ZDHHC13: variants seen among roughly 807,000 people sequenced by gnomAD.
ZDHHC13 encodes palmitoyltransferase ZDHHC13.
A neutral mutation model predicts 86.0 loss-of-function variants in ZDHHC13; 85 were observed. The observed-to-expected ratio is 0.99, with a 90% CI of 0.83 to 1.18. The LOEUF is 1.18. Among genes scored for constraint, ZDHHC13 ranks in the 50% most tolerant of loss-of-function variants. ZDHHC13 has a pLI of 0.00. For missense variants in ZDHHC13, 711 were observed against 730.2 expected, an observed-to-expected ratio of 0.97 and a Z score of 0.30; for synonymous variants, 263 against 246.4, an observed-to-expected ratio of 1.07 and a Z score of -0.63.
intron 1 of ZDHHC13, among the ~76,000 whole-genome samples, chr11:19,133,832 G>C (rs1393570406): frequency 6.6e-6 from 1 of 150,498 alleles, no homozygotes; most frequent in African/African-American, 2.4e-5. Context: ...GTCTTCTAAG[G>C]TGCTGGCTCA....
rs1268573386 is a variant in ZDHHC13, at chr11:19,158,940, G to T, written c.1008G>T (p.Arg336Ser). The T allele has an allele frequency of 2.0e-6, 3 of 1,515,910 alleles. No homozygotes were observed. The highest frequency in any genetic ancestry group is 1.3e-5 in the South Asian group (1 of 76,404). The allele number at this position is 1,515,910 out of a possible 1,614,324, so 93.9% of individuals were successfully genotyped here. A position where few individuals can be genotyped will look rare whatever the true frequency, so the allele number is the denominator to read the frequency against. ...TLFFLTSLFP[R>S]FLVGYKNLVY... ...CTTATATTTATCTTTTTTCTTTTAG[G>T]TTCTTGGTTGGGTATAAGAACCTTG... The change falls in exon 10 of 17, where the codon AGG becomes AGT. Residue 336 changes from arginine (R) to serine (S), a missense_variant and splice_region_variant. By Grantham distance (110) the Arg-to-Ser change is moderately radical. Coordinates refer to ENST00000446113, the MANE Select transcript of ZDHHC13 (RefSeq NM_019028.3).
At chr11:19,138,608 C>T (rs1439512991) in intron 1 of ZDHHC13, among the ~76,000 whole-genome samples, 1 of 151,090 alleles carries the variant, frequency 6.6e-6, no homozygotes, top group African/African-American at 2.4e-5. Flanking sequence ...GAGACACAAC[C>T]AAAAAAGAGA....
intron 1 of ZDHHC13, among the ~76,000 whole-genome samples, chr11:19,135,189 C>G (rs1185538055): frequency 6.6e-6 from 1 of 152,202 alleles, no homozygotes; most frequent in African/African-American, 2.4e-5. Context: ...GAGTGCCAGA[C>G]AGTGGGCACA....
chr11:19,131,715 C>A (rs541668211), intron 1 of ZDHHC13, among the ~76,000 whole-genome samples: 1 of 152,128 alleles, frequency 6.6e-6, no homozygotes, highest in East Asian at 1.9e-4. Flanking sequence ...TGGCTCACTG[C>A]AACTGCCTCC....
intron 11 of ZDHHC13, among the ~76,000 whole-genome samples, chr11:19,164,025 A>T (rs1048084553): frequency 6.6e-6 from 1 of 152,142 alleles, no homozygotes; most frequent in Non-Finnish European, 1.5e-5. Context: ...CTAGCAGATC[A>T]TAACTGGGAG....
intron 9 of ZDHHC13, 126 bp downstream of exon 9, chr11:19,156,055 T>C: frequency 8.3e-7 from 1 of 1,199,084 alleles, no homozygotes; most frequent in Non-Finnish European, 1.1e-6. Flanking sequence ...TATAACAGCA[T>C]CCTGCGGGTG....
intron 1 of ZDHHC13, among the ~76,000 whole-genome samples, chr11:19,136,073 G>T (rs1279810891): frequency 1.3e-5 from 2 of 152,240 alleles, no homozygotes; most frequent in Non-Finnish European, 2.9e-5. Context: ...GCTGGACAGA[G>T]AATGACTTTG....
chr11:19,121,014 A>C (rs1376305501), intron 1 of ZDHHC13, among the ~76,000 whole-genome samples: 1 of 152,208 alleles, frequency 6.6e-6, no homozygotes. Flanking sequence ...GTTAGTTTAC[A>C]TGTGCAGTTG....
At chr11:19,126,015 A>C (rs7950603) in intron 1 of ZDHHC13, among the ~76,000 whole-genome samples, 96,243 of 151,930 alleles carry the variant, frequency 0.63, 31,774 homozygotes, top group Admixed American at 0.75. Context: ...GCTGTATACC[A>C]AAGTTAATTT....
In ZDHHC13 at chr11:19,149,220, C is replaced by G. The variant is rs576737770; in HGVS notation, c.408C>G (p.Leu136=). The change falls in exon 5 of 17, where the codon CTC becomes CTG. Residue 136 remains leucine (L), a synonymous_variant. Coordinates refer to ENST00000446113, the MANE Select transcript of ZDHHC13 (RefSeq NM_019028.3). ...QGHLPMVILL[L]QHGADPTLID... ...ATTTACCTATGGTCATATTATTACT[C>G]CAGCATGGTGCAGACCCCACTCTTA... 21 of 1,601,036 alleles carry G rather than the reference C, an allele frequency of 1.3e-5. No individual in the cohort carries two copies. The African/African-American group carries it at 2.5e-4, about 19-fold the overall frequency.
chr11:19,171,529 T>G (rs970149323), intron 15 of ZDHHC13, among the ~76,000 whole-genome samples: 1 of 152,152 alleles, frequency 6.6e-6, no homozygotes, highest in South Asian at 2.1e-4. Context: ...TTAATAATAT[T>G]GACTAAACTG....
At chr11:19,135,361 C>A (rs1054566806) in intron 1 of ZDHHC13, among the ~76,000 whole-genome samples, 5 of 152,234 alleles carry the variant, frequency 3.3e-5, no homozygotes, top group Non-Finnish European at 7.3e-5. Flanking sequence ...TGCGCTTTTC[C>A]GACGGGCTTA....
intron 9 of ZDHHC13, among the ~76,000 whole-genome samples, chr11:19,158,527 GC>G (rs1849819605): frequency 6.6e-6 from 1 of 152,090 alleles, no homozygotes. Flanking sequence ...CTGGAAGAAA[GC>G]TTGCTAAATG....
intron 9 of ZDHHC13, 80 bp downstream of exon 9, chr11:19,156,009 C>T (rs998379705): frequency 1.4e-6 from 2 of 1,464,314 alleles, no homozygotes; most frequent in Non-Finnish European, 1.8e-6. Context: ...TAGCTGGAGT[C>T]ACAGATTTTT....
At chr11:19,165,027 A>G (rs768436768) in intron 12 of ZDHHC13, 25 bp from the exon 13 acceptor site, 5 of 1,601,346 alleles carry the variant, frequency 3.1e-6, no homozygotes, top group African/African-American at 2.7e-5. Flanking sequence ...GTTTTTGCTT[A>G]GGCCTCTCTT....
chr11:19,155,879 A>G lies in ZDHHC13; in HGVS notation c.957A>G (p.Leu319=). 1 of 1,612,562 alleles carries G rather than the reference A, an allele frequency of 6.2e-7. No homozygotes were observed. Among genetic ancestry groups the G allele is most frequent in the Non-Finnish European group, 8.5e-7 (1 of 1,179,626 alleles). ...ACTTCAATTCAGATTCTTGGCTTTT[A>G]AAAGGATGTCTTCTAGTAACACTGT... is the stretch of plus-strand genomic sequence containing the variant. The part of the protein sequence containing the change: ...ILDFNSDSWL[L]KGCLLVTLFF... Residue 319 remains leucine (L), a synonymous_variant, in exon 9 of 17, where the codon TTA becomes TTG. Coordinates refer to ENST00000446113, the MANE Select transcript of ZDHHC13 (RefSeq NM_019028.3).
intron 1 of ZDHHC13, among the ~76,000 whole-genome samples, chr11:19,123,887 A>C (rs944788747): frequency 6.6e-6 from 1 of 152,222 alleles, no homozygotes; most frequent in Non-Finnish European, 1.5e-5. Context: ...GGTTGTAAAA[A>C]GATTGATAAT....
chr11:19,142,962 G>A lies in ZDHHC13; in HGVS notation c.28-16G>A. Reference sequence around the variant, plus strand: ...TTAATTCTCTCATGCTTTGTCAAATGACTCTTACTCTTCAGTGCAGGAATC... The same window carrying A: ...TTAATTCTCTCATGCTTTGTCAAATAACTCTTACTCTTCAGTGCAGGAATC... On this transcript the variant is annotated splice_polypyrimidine_tract_variant and intron_variant, in intron 1 of 16. Transcript: ENST00000446113. 1 of 1,588,062 alleles carries A rather than the reference G, an allele frequency of 6.3e-7. No homozygotes were observed. Among genetic ancestry groups the A allele is most frequent in the Non-Finnish European group, 8.6e-7 (1 of 1,165,458 alleles).
intron 6 of ZDHHC13, 131 bp downstream of exon 6, chr11:19,150,922 A>T (rs1849591987): frequency 1.3e-6 from 1 of 744,276 alleles, no homozygotes; most frequent in Non-Finnish European, 2.1e-6. Context: ...TCACACAGAG[A>T]CTGTGATAAT....
Sources: gnomAD v4.1 joint callset for allele counts (sites outside exome capture counted in the v4.1 genomes callset) on GRCh38, gnomAD v4.1.1 for gene constraint, MANE v1.5 for transcripts, NCBI Gene and HGNC (gene_info 2026-07-23, HGNC 2026-07-21) for gene names.